Variants in SLC30A10 observed in about 807,000 individuals in gnomAD.
SLC30A10 encodes calcium/manganese antiporter SLC30A10.
In SLC30A10, 8 loss-of-function variants were observed where a neutral mutation model predicts 21.7. That is an observed-to-expected ratio of 0.37 (90% CI 0.22 to 0.67). The LOEUF (loss-of-function observed/expected upper bound fraction) is 0.67, where lower values mean the gene tolerates loss of function less well. Among genes scored for constraint, SLC30A10 ranks in the 30% least tolerant of loss-of-function variants. The pLI, the probability that SLC30A10 is intolerant of heterozygous loss-of-function variation, is 0.58. For synonymous variants in SLC30A10, 272 were observed against 279.4 expected, an observed-to-expected ratio of 0.97 and a Z score of 0.26; for missense variants, 521 against 642.5, an observed-to-expected ratio of 0.81 and a Z score of 2.04.
At chr1:219,937,766 C>T (rs1660066581) in intron 1 of SLC30A10, among the ~76,000 whole-genome samples, 1 of 152,146 alleles carries the variant, frequency 6.6e-6, no homozygotes, top group African/African-American at 2.4e-5. Context: ...GAACTGAGCT[C>T]GCGACACTGA....
intron 1 of SLC30A10, among the ~76,000 whole-genome samples, chr1:219,950,422 G>A (rs1303876494): frequency 6.6e-6 from 1 of 151,514 alleles, no homozygotes; most frequent in Non-Finnish European, 1.5e-5. Context: ...GGTGGATCAC[G>A]AAGTCAGGAG....
chr1:219,916,841 T>C (rs903338856), intron 3 of SLC30A10, among the ~76,000 whole-genome samples: 3 of 152,214 alleles, frequency 2.0e-5, no homozygotes, highest in Non-Finnish European at 2.9e-5. Context: ...GAAATGATAA[T>C]AGTACCTTTT....
chr1:219,949,012 TCAC>T (rs1171690956), intron 1 of SLC30A10, among the ~76,000 whole-genome samples: 1 of 151,266 alleles, frequency 6.6e-6, no homozygotes. Flanking sequence ...GAAAAAATGC[TCAC>T]CATCACTGGC....
chr1:219,910,603 C>T lies in SLC30A10; in HGVS notation c.*4846G>A, dbSNP rs1390674059. On this transcript the variant is annotated 3_prime_UTR_variant, in exon 4 of 4. Coordinates refer to ENST00000366926, the MANE Select transcript of SLC30A10 (RefSeq NM_018713.3). ...GTTCTCTCAAATGTGAGGATTGCAACTCTAGCAAAATTGCCTGTGAGGACA... is the reference window on the plus strand; with the variant it reads ...GTTCTCTCAAATGTGAGGATTGCAATTCTAGCAAAATTGCCTGTGAGGACA... Among the ~76,000 whole-genome samples the T allele has an allele frequency of 1.3e-5, 2 of 152,180 alleles. No homozygotes were observed. Among genetic ancestry groups the T allele is most frequent in the Admixed American group, 1.3e-4 (2 of 15,278 alleles).
intron 2 of SLC30A10, among the ~76,000 whole-genome samples, chr1:219,925,315 C>A (rs1339624448): frequency 6.6e-6 from 1 of 152,034 alleles, no homozygotes; most frequent in Admixed American, 6.6e-5. Flanking sequence ...GGGCAGATTG[C>A]CTGAGGTCAG....
chr1:219,943,106 A>G (rs1205580507), intron 1 of SLC30A10, among the ~76,000 whole-genome samples: 1 of 152,214 alleles, frequency 6.6e-6, no homozygotes, highest in African/African-American at 2.4e-5. Context: ...CCACCTTGAG[A>G]GAAGCAGCAA....
chr1:219,928,925 G>A (rs1040048797), upstream of SLC30A10, among the ~76,000 whole-genome samples: 7 of 152,330 alleles, frequency 4.6e-5, 1 homozygote, highest in African/African-American at 4.8e-5. This position sits in a 1 kb window ranked among gnomAD's most constrained non-coding sequence, Gnocchi z 6.3. Flanking sequence ...TGGCTGCTGT[G>A]GGGTGTGTTC....
At chr1:219,931,664 A>G (rs1659971449), upstream of SLC30A10, among the ~76,000 whole-genome samples, 1 of 152,054 alleles carries the variant, frequency 6.6e-6, no homozygotes, top group Admixed American at 6.6e-5. Context: ...TACTTTTAGT[A>G]GAGATAGGGT....
At chr1:219,934,902 A>C (rs1660026280) in intron 1 of SLC30A10, among the ~76,000 whole-genome samples, 1 of 152,130 alleles carries the variant, frequency 6.6e-6, no homozygotes, top group Admixed American at 6.5e-5. Flanking sequence ...TCATAGAGAA[A>C]CCCTGTGCTT....
At chr1:219,954,143 C>T (rs1341834330) in intron 1 of SLC30A10, among the ~76,000 whole-genome samples, 2 of 152,110 alleles carry the variant, frequency 1.3e-5, no homozygotes, top group South Asian at 2.1e-4. Context: ...GGAAACCTGA[C>T]TTGTTTCAGC....
At chr1:219,944,847 A>G (rs148405142) in intron 1 of SLC30A10, among the ~76,000 whole-genome samples, 1 of 152,336 alleles carries the variant, frequency 6.6e-6, no homozygotes, top group African/African-American at 2.4e-5. Flanking sequence ...ACAGAAAATG[A>G]AAAGTAAAAT....
chr1:219,948,916 GA>G (rs1660229370), intron 1 of SLC30A10, among the ~76,000 whole-genome samples: 1 of 151,908 alleles, frequency 6.6e-6, no homozygotes, highest in African/African-American at 2.4e-5. Context: ...AAATTTACAA[GA>G]AAAAAACAAC....
At chr1:219,929,334 A>G (rs1659929024), upstream of SLC30A10, among the ~76,000 whole-genome samples, 1 of 152,128 alleles carries the variant, frequency 6.6e-6, no homozygotes, top group Non-Finnish European at 1.5e-5. Flanking sequence ...CTAGCACTCG[A>G]AGGCTGGTCT....
intron 1 of SLC30A10, among the ~76,000 whole-genome samples, chr1:219,952,789 A>G (rs1008156131): frequency 2.6e-4 from 40 of 152,306 alleles, no homozygotes; most frequent in African/African-American, 9.4e-4. Flanking sequence ...GCCTCTGCAC[A>G]TTGGAAAAAA....
chr1:219,928,270 G>A lies in SLC30A10; in HGVS notation c.171C>T (p.Ala57=). 1.9e-6 allele frequency: 3 copies of A among 1,595,284 alleles called. No homozygotes were observed. The highest frequency in any genetic ancestry group is 1.7e-4 in the Middle Eastern group (1 of 6,050). Residue 57 remains alanine, a synonymous_variant, in exon 1 of 4, where the codon GCC becomes GCT. Transcript: ENST00000366926. The surrounding 1 kb of genome is among the most constrained non-coding windows in gnomAD (Gnocchi z 6.3). ...GGGTGGGGCGCCGGGCGATGTAGCCGGCGCTCAGGCCCACGCACAGCGAGA... is the reference window on the plus strand; with the variant it reads ...GGGTGGGGCGCCGGGCGATGTAGCCAGCGCTCAGGCCCACGCACAGCGAGA... ...DLISLCVGLS[A]GYIARRPTRG...
At position 219,952,382 on chromosome 1, in the gene SLC30A10, G is replaced by T. The variant is rs1225488510; in HGVS notation, n.80+6186C>A. Among the ~76,000 whole-genome samples, 6 of 152,316 alleles carry T rather than the reference G, an allele frequency of 3.9e-5. No individual in the cohort carries two copies. The East Asian group carries it at 1.2e-3, about 29-fold the overall frequency. ...GAGGTCATCTAGCTACTGGAATTAG[G>T]ATTCAACTTATGGTATGTTCATTTG... On this transcript the variant is annotated intron_variant and non_coding_transcript_variant, in intron 1 of 8. Transcript: ENST00000484239.
At chr1:219,955,205 C>T (rs1003619301) in intron 1 of SLC30A10, among the ~76,000 whole-genome samples, 2 of 152,176 alleles carry the variant, frequency 1.3e-5, no homozygotes, top group Non-Finnish European at 2.9e-5. Context: ...CTCCCTTCCC[C>T]GAAACACATG....
intron 1 of SLC30A10, among the ~76,000 whole-genome samples, chr1:219,957,781 T>C (rs1660372204): frequency 6.6e-6 from 1 of 151,384 alleles, no homozygotes; most frequent in Non-Finnish European, 1.5e-5. Flanking sequence ...CAAACACCTC[T>C]TGTGGCAATA....
Position 219,911,153 on chromosome 1 carries a change from T to TG in SLC30A10, c.*4295_*4296insC, listed in dbSNP as rs1157498767. Among the ~76,000 whole-genome samples the TG allele has an allele frequency of 3.7e-5, 4 of 106,748 alleles. No homozygotes were observed. Among genetic ancestry groups the TG allele is most frequent in the Non-Finnish European group, 7.1e-5 (4 of 56,334 alleles). The allele number at this position is 106,748 out of a possible 152,430, so 70.0% of individuals were successfully genotyped here. ...TTCTTCATTTTTTCTACATCAGTTT[T>TG]TTTTTTTTTTTTTTTTTTTTTGCAG... On this transcript the variant is annotated 3_prime_UTR_variant, in exon 4 of 4. Transcript: ENST00000366926.
Sources: allele counts gnomAD v4.1 joint callset (sites outside exome capture counted in the v4.1 genomes callset), GRCh38; gene constraint gnomAD v4.1.1; non-coding constraint Gnocchi (gnomAD v3.1); transcripts MANE v1.5; gene names NCBI Gene and HGNC (gene_info 2026-07-23, HGNC 2026-07-21).